YPEL2: variants seen among roughly 807,000 people sequenced by gnomAD.
YPEL2 encodes yippee like 2.
In YPEL2, 2 loss-of-function variants were observed where a neutral mutation model predicts 19.1. That is an observed-to-expected ratio of 0.10 (90% CI 0.04 to 0.33). The LOEUF (loss-of-function observed/expected upper bound fraction) is 0.33. Ranked by LOEUF, YPEL2 falls within the 10% of genes least tolerant of loss-of-function variation. The pLI is 1.00. For missense variants in YPEL2, 66 were observed against 140.7 expected (o/e 0.47, Z 2.68); for synonymous variants, 52 against 50.0 (o/e 1.04, Z -0.17).
chr17:59,365,041 A>C (rs1349227199), intron 2 of YPEL2, among the ~76,000 whole-genome samples: 1 of 152,222 alleles, frequency 6.6e-6, no homozygotes, highest in Non-Finnish European at 1.5e-5. Context: ...AGTTCTTACC[A>C]CAGGGCCTGG....
chr17:59,335,014 A>G (rs571577154), intron 1 of YPEL2, among the ~76,000 whole-genome samples: 1 of 152,348 alleles, frequency 6.6e-6, no homozygotes, highest in African/African-American at 2.4e-5. Context: ...AGGGTTTGTC[A>G]GGCAAACCAC....
At chr17:59,371,325 A>T (rs1056436397) in intron 2 of YPEL2, among the ~76,000 whole-genome samples, 1 of 152,176 alleles carries the variant, frequency 6.6e-6, no homozygotes, top group African/African-American at 2.4e-5. Context: ...GCAGCTCCCC[A>T]GTATCGTGTT....
chr17:59,343,320 T>C (rs73323188), intron 1 of YPEL2, among the ~76,000 whole-genome samples: 6,962 of 152,152 alleles, frequency 0.046, 550 homozygotes, highest in African/African-American at 0.16. Flanking sequence ...TATCAAGGAT[T>C]TCCAGTATGC....
chr17:59,352,301 G>A (rs530725968), intron 1 of YPEL2, among the ~76,000 whole-genome samples: 50 of 152,274 alleles, frequency 3.3e-4, no homozygotes, highest in African/African-American at 1.2e-3. Flanking sequence ...GAAGCAGAGG[G>A]AGTCTTAGAC....
At chr17:59,394,433 C>A (rs1476992416) in intron 4 of YPEL2, among the ~76,000 whole-genome samples, 4 of 150,638 alleles carry the variant, frequency 2.7e-5, no homozygotes, top group Non-Finnish European at 5.9e-5. Flanking sequence ...GGCAGAGACG[C>A]TCCTCACTTC....
At position 59,399,530 on chromosome 17, in the gene YPEL2, G is replaced by A. The variant is rs923154031; in HGVS notation, c.*2340G>A. On this transcript the variant is annotated 3_prime_UTR_variant, in exon 5 of 5. Coordinates refer to ENST00000312655, the MANE Select transcript of YPEL2 (RefSeq NM_001005404.4). ...CTCCAGTCAGACCCTGGTTCTGAAT[G>A]TTTTTTTTTTCGGTGACTATCCAGT... 6.7e-6 allele frequency: 1 copy of A among 149,470 alleles called. No homozygotes were observed. Among genetic ancestry groups the A allele is most frequent in the Non-Finnish European group, 1.5e-5 (1 of 67,242 alleles). The allele number at this position is 149,470 out of a possible 1,614,324, so 9.3% of individuals were successfully genotyped here.
intron 2 of YPEL2, among the ~76,000 whole-genome samples, chr17:59,360,512 T>A (rs1018126116): frequency 2.6e-5 from 4 of 152,304 alleles, no homozygotes; most frequent in South Asian, 4.1e-4. Context: ...ATAAAGAGAA[T>A]CACATTTCCC....
chr17:59,379,839 C>T (rs562281377), intron 2 of YPEL2, among the ~76,000 whole-genome samples: 1 of 65,588 alleles, frequency 1.5e-5, no homozygotes, highest in East Asian at 7.6e-4. Context: ...GAACTCAGCA[C>T]ATCAATAAGT....
intron 1 of YPEL2, among the ~76,000 whole-genome samples, chr17:59,339,695 G>C (rs1340314942): frequency 6.6e-6 from 1 of 152,174 alleles, no homozygotes. Context: ...CTACTTGCAA[G>C]GGACGGGGGA....
intron 2 of YPEL2, among the ~76,000 whole-genome samples, chr17:59,360,054 C>CA (rs1232056781): frequency 6.6e-6 from 1 of 152,098 alleles, no homozygotes; most frequent in Non-Finnish European, 1.5e-5. Context: ...CATGCGCCAC[C>CA]ACACCCAGGT....
intron 1 of YPEL2, among the ~76,000 whole-genome samples, chr17:59,352,314 C>T (rs778882851): frequency 1.3e-5 from 2 of 152,112 alleles, no homozygotes; most frequent in African/African-American, 2.4e-5. Context: ...TCTTAGACCT[C>T]GTGGCCCTGC....
chr17:59,349,956 G>A (rs1181052070), intron 1 of YPEL2, among the ~76,000 whole-genome samples: 1 of 152,198 alleles, frequency 6.6e-6, no homozygotes, highest in East Asian at 1.9e-4. Context: ...ACTGTGCCTG[G>A]CCCTACAGGC....
chr17:59,342,715 C>A (rs117182204), intron 1 of YPEL2, among the ~76,000 whole-genome samples: 5,451 of 152,304 alleles, frequency 0.036, 152 homozygotes, highest in Non-Finnish European at 0.053. Flanking sequence ...AGGAAAAGGG[C>A]ACATTTGGCT....
intron 2 of YPEL2, among the ~76,000 whole-genome samples, chr17:59,365,902 A>G (rs1775357589): frequency 6.6e-6 from 1 of 152,142 alleles, no homozygotes. Context: ...CCTCCCCTCC[A>G]GACTACAGTG....
chr17:59,368,105 A>G (rs1041669703), intron 2 of YPEL2, among the ~76,000 whole-genome samples: 5 of 151,432 alleles, frequency 3.3e-5, no homozygotes, highest in African/African-American at 1.2e-4. Flanking sequence ...TTTTTTTGAG[A>G]CAGAGTCTCA....
At chr17:59,358,033 G>A (rs1379627797) in intron 2 of YPEL2, among the ~76,000 whole-genome samples, 1 of 152,088 alleles carries the variant, frequency 6.6e-6, no homozygotes, top group Non-Finnish European at 1.5e-5. Context: ...GACAAATAAG[G>A]AATTTCTAGA....
At chr17:59,381,129 G>A (rs1270584368) in intron 2 of YPEL2, among the ~76,000 whole-genome samples, 2 of 152,230 alleles carry the variant, frequency 1.3e-5, no homozygotes, top group Non-Finnish European at 1.5e-5. Context: ...TGAAAAAGAT[G>A]TGGCAGCTCA....
At chr17:59,365,314 T>TAGC (rs1273124239) in intron 2 of YPEL2, among the ~76,000 whole-genome samples, 1 of 152,238 alleles carries the variant, frequency 6.6e-6, no homozygotes, top group African/African-American at 2.4e-5. Context: ...GGTGATGAAA[T>TAGC]AGCAGCAGCA....
At chr17:59,335,715 A>G (rs1466629819) in intron 1 of YPEL2, among the ~76,000 whole-genome samples, 1 of 151,762 alleles carries the variant, frequency 6.6e-6, no homozygotes, top group African/African-American at 2.4e-5. Flanking sequence ...CGCCCGGCTA[A>G]TTTTTGCATT....
Sources: gnomAD v4.1 joint callset for allele counts (sites outside exome capture counted in the v4.1 genomes callset) on GRCh38, gnomAD v4.1.1 for gene constraint, MANE v1.5 for transcripts, NCBI Gene and HGNC (gene_info 2026-07-23, HGNC 2026-07-21) for gene names.